The following WRN variants were observed in gnomAD, a reference collection of about 807,000 sequenced individuals.
The protein encoded by WRN is bifunctional 3'-5' exonuclease/ATP-dependent helicase WRN.
WRN carries 149 observed loss-of-function variants against 180.7 expected under a neutral mutation model. The observed-to-expected ratio is 0.82, with a 90% CI of 0.72 to 0.94. WRN has a LOEUF of 0.94. WRN is among the 40% of genes least tolerant of loss of function. The pLI is 0.00. For synonymous variants in WRN, 548 were observed against 568.9 expected (o/e 0.96, Z 0.52); for missense variants, 1,661 against 1,700.1 (o/e 0.98, Z 0.40).
At position 31,064,364 on chromosome 8, in the gene WRN, C is replaced by G; in HGVS notation, c.285C>G (p.Gly95=). The G allele has an allele frequency of 6.2e-7, 1 of 1,614,074 alleles. No individual in the cohort carries two copies. Among genetic ancestry groups the G allele is most frequent in the South Asian group, 1.1e-5 (1 of 91,082 alleles). The stretch of plus-strand genomic sequence containing the variant: ...CATTATACAATAGAGGGAAACTTGG[C>G]AAAGTTGCACTAATTCAGTTGTGTG... ...WPPLYNRGKL[G]KVALIQLCVS... is the part of the protein sequence containing the mutation. Residue 95 remains glycine, a synonymous_variant, in exon 4 of 35, where the codon GGC becomes GGG. Coordinates refer to ENST00000298139, the MANE Select transcript of WRN (RefSeq NM_000553.6).
In WRN at chr8:31,165,380, C is replaced by T. The variant is rs565997466; in HGVS notation, c.3983-1642C>T. On this transcript the variant is annotated intron_variant, in intron 33 of 34. Coordinates refer to ENST00000298139, the MANE Select transcript of WRN (RefSeq NM_000553.6). Reference sequence around the variant, plus strand: ...TCGAGTGTGGGAAAATTTATATGGTCTTTCTAAAACAGCACTGTCAGTAGA... The same window carrying T: ...TCGAGTGTGGGAAAATTTATATGGTTTTTCTAAAACAGCACTGTCAGTAGA... Among the ~76,000 whole-genome samples the T allele has an allele frequency of 5.9e-5, 9 of 152,094 alleles. No individual in the cohort carries two copies. In the South Asian group the frequency reaches 1.9e-3, roughly 32 times the overall value.
intron 33 of WRN, 26 bp downstream of exon 33, chr8:31,157,556 C>A (rs779006209): frequency 3.1e-6 from 5 of 1,613,324 alleles, no homozygotes; most frequent in African/African-American, 2.7e-5. Flanking sequence ...TAGCTCTGCA[C>A]CCTTAATGAC....
At chr8:31,071,030 C>G (rs1234669915) in intron 7 of WRN, among the ~76,000 whole-genome samples, 2 of 130,056 alleles carry the variant, frequency 1.5e-5, no homozygotes, top group African/African-American at 5.8e-5. Flanking sequence ...TGCACAAGAG[C>G]GAGACTCTGT....
At position 31,058,199 on chromosome 8, in the gene WRN, T is replaced by C. The variant is rs566672111; in HGVS notation, c.-76-173T>C. 2.0e-5 allele frequency among the ~76,000 whole-genome samples: 3 copies of C among 152,342 alleles called. No homozygotes were observed. The East Asian group carries it at 5.8e-4, about 29-fold the overall frequency. On this transcript the variant is annotated intron_variant, in intron 1 of 34. Transcript: ENST00000298139. ...AATTATACAAGTCAATTAAAATGAC[T>C]GATTTGTTTTAAGAGGAAGAAATAC...
rs555532076 is a variant in WRN at position 31,075,000 on chromosome 8, A to G, written c.725-1173A>G. On this transcript the variant is annotated intron_variant, in intron 7 of 34. Coordinates refer to ENST00000298139, the MANE Select transcript of WRN (RefSeq NM_000553.6). Reference sequence around the variant, plus strand: ...AAGTGGTGATTTTATTGGCAATTATAAGGTCAACGGTATGACTATGGAATT... The same window carrying G: ...AAGTGGTGATTTTATTGGCAATTATGAGGTCAACGGTATGACTATGGAATT... 4.5e-4 allele frequency among the ~76,000 whole-genome samples: 69 copies of G among 152,266 alleles called. 1 individual carries two copies. In the South Asian group the frequency reaches 0.014, roughly 31 times the overall value.
In WRN at chr8:31,173,279, G is replaced by C. The variant is rs1314202366; in HGVS notation, c.*177G>C. 3.1e-6 allele frequency: 2 copies of C among 650,560 alleles called. No homozygotes were observed. The highest frequency in any genetic ancestry group is 3.6e-5 in the African/African-American group (2 of 54,992). The allele number at this position is 650,560 out of a possible 1,614,324, so 40.3% of individuals were successfully genotyped here. A position where few individuals can be genotyped will look rare whatever the true frequency, so the allele number is the denominator to read the frequency against. On this transcript the variant is annotated 3_prime_UTR_variant, in exon 35 of 35. Transcript: ENST00000298139. ...CCTTCCGCAATTCATGTAGTTTCTG[G>C]GTCTTCTGGGAGCCTACGTGAGTAC...
chr8:31,100,736 A>C, intron 17 of WRN, 113 bp from the exon 18 acceptor site: 1 of 879,048 alleles, frequency 1.1e-6, no homozygotes, highest in Non-Finnish European at 1.8e-6. Flanking sequence ...TTCTGTTTTT[A>C]TAGGAACCAA....
intron 34 of WRN, among the ~76,000 whole-genome samples, chr8:31,167,730 T>TG (rs1803954889): frequency 6.6e-6 from 1 of 152,098 alleles, no homozygotes; most frequent in Non-Finnish European, 1.5e-5. Context: ...AGATTACAAA[T>TG]TTAGTATTAT....
chr8:31,117,820 C>T (rs187115449), intron 20 of WRN, among the ~76,000 whole-genome samples: 1 of 152,266 alleles, frequency 6.6e-6, no homozygotes, highest in East Asian at 1.9e-4. Context: ...AGCATCTGGT[C>T]TCTCTTTTCC....
intron 21 of WRN, among the ~76,000 whole-genome samples, chr8:31,122,839 A>T (rs913689068): frequency 1.2e-4 from 17 of 138,148 alleles, no homozygotes; most frequent in African/African-American, 4.2e-4. Context: ...AGTTCTGAAG[A>T]GTGTGGGCAT....
At chr8:31,048,916 A>G (rs1053065744) in intron 1 of WRN, among the ~76,000 whole-genome samples, 2 of 152,170 alleles carry the variant, frequency 1.3e-5, no homozygotes, top group African/African-American at 4.8e-5. Flanking sequence ...TTCCACACAC[A>G]TGAAAAGTTA....
chr8:31,090,967 A>C lies in WRN; in HGVS notation c.1829+25A>C, dbSNP rs3087422. The C allele has an allele frequency of 2.6e-6, 4 of 1,539,718 alleles. No homozygotes were observed. The African/African-American group carries it at 5.5e-5, about 21-fold the overall frequency. On this transcript the variant is annotated intron_variant, in intron 15 of 34. Coordinates refer to ENST00000298139, the MANE Select transcript of WRN (RefSeq NM_000553.6). ...AGTAAGTCATGTTATCATTGCCACAATATCACCCTCTTTTTTTCTTCTGTG... is the reference window on the plus strand; with the variant it reads ...AGTAAGTCATGTTATCATTGCCACACTATCACCCTCTTTTTTTCTTCTGTG...
intron 33 of WRN, among the ~76,000 whole-genome samples, chr8:31,163,930 G>T (rs891284094): frequency 1.3e-5 from 2 of 149,648 alleles, no homozygotes; most frequent in African/African-American, 4.9e-5. Flanking sequence ...ATAGCTTACT[G>T]CAGCCTTGAA....
intron 7 of WRN, among the ~76,000 whole-genome samples, chr8:31,074,867 A>C (rs1813041165): frequency 6.6e-6 from 1 of 152,192 alleles, no homozygotes; most frequent in Non-Finnish European, 1.5e-5. Context: ...TGATAGGATC[A>C]ATGCATTTGG....
At chr8:31,091,420 T>C (rs1294171632) in intron 15 of WRN, among the ~76,000 whole-genome samples, 1 of 152,140 alleles carries the variant, frequency 6.6e-6, no homozygotes, top group Non-Finnish European at 1.5e-5. Context: ...TCAGGGCATT[T>C]GTTCATCAAC....
chr8:31,144,065 A>G (rs1384285900), intron 28 of WRN, among the ~76,000 whole-genome samples: 1 of 152,190 alleles, frequency 6.6e-6, no homozygotes, highest in Non-Finnish European at 1.5e-5. Context: ...AAATATATAC[A>G]GGCATACTTT....
chr8:31,105,250 A>G (rs1801049213), intron 18 of WRN, among the ~76,000 whole-genome samples: 2 of 152,174 alleles, frequency 1.3e-5, no homozygotes, highest in Admixed American at 6.5e-5. Flanking sequence ...TAAAATCTTC[A>G]TACTTTTTCT....
intron 21 of WRN, among the ~76,000 whole-genome samples, chr8:31,123,475 C>G (rs932704469): frequency 2.0e-5 from 3 of 151,960 alleles, no homozygotes; most frequent in African/African-American, 7.2e-5. Context: ...TTGGAAGAGA[C>G]TTTGGGGATA....
intron 8 of WRN, among the ~76,000 whole-genome samples, chr8:31,078,075 T>C (rs754505771): frequency 6.6e-6 from 1 of 152,238 alleles, no homozygotes; most frequent in Admixed American, 6.5e-5. Context: ...TGCAGAAAAT[T>C]ACATTCTTAG....
Sources: allele counts gnomAD v4.1 joint callset (sites outside exome capture counted in the v4.1 genomes callset), GRCh38; gene constraint gnomAD v4.1.1; transcripts MANE v1.5; gene names NCBI Gene and HGNC (gene_info 2026-07-23, HGNC 2026-07-21).